The following IMMP1L variants were observed in gnomAD, a reference collection of about 807,000 sequenced individuals.
The protein encoded by IMMP1L is inner mitochondrial membrane peptidase subunit 1, also known as mitochondrial inner membrane protease subunit 1.
IMMP1L carries 24 observed loss-of-function variants against 21.8 expected under a neutral mutation model. The ratio of observed to expected loss-of-function variants is 1.10; its 90% CI spans 0.80 to 1.55. The LOEUF (loss-of-function observed/expected upper bound fraction) is 1.55. Ranked by LOEUF, IMMP1L falls within the 40% of genes most tolerant of loss-of-function variation. The pLI is 0.00. For synonymous variants in IMMP1L, 46 were observed against 62.8 expected, an observed-to-expected ratio of 0.73 and a Z score of 1.26; for missense variants, 195 against 200.7, an observed-to-expected ratio of 0.97 and a Z score of 0.17.
At chr11:31,481,638 A>G (rs1223092) in intron 1 of IMMP1L, among the ~76,000 whole-genome samples, 13,307 of 152,010 alleles carry the variant, frequency 0.088, 1,602 homozygotes, top group African/African-American at 0.27. Context: ...ATCATAGCCC[A>G]TAATCAGAAC....
At position 31,459,969 on chromosome 11, in the gene IMMP1L, C is replaced by T. The variant is rs578074213; in HGVS notation, c.194+657G>A. 7.9e-5 allele frequency among the ~76,000 whole-genome samples: 12 copies of T among 152,104 alleles called. No individual in the cohort carries two copies. In the East Asian group the frequency reaches 1.9e-3, roughly 25 times the overall value. On this transcript the variant is annotated intron_variant, in intron 3 of 5. Transcript: ENST00000532287. ...CTCAGGAGTTTGAGACCAGCCTGGGCAACATGGCGAAACCCAGTCTCTACA... is the reference window on the plus strand; with the variant it reads ...CTCAGGAGTTTGAGACCAGCCTGGGTAACATGGCGAAACCCAGTCTCTACA...
intron 1 of IMMP1L, among the ~76,000 whole-genome samples, chr11:31,476,375 C>A (rs1279397320): frequency 6.6e-6 from 1 of 152,028 alleles, no homozygotes; most frequent in Middle Eastern, 3.4e-3. Flanking sequence ...TTAAACCAAA[C>A]CCGGGAACTC....
intron 1 of IMMP1L, among the ~76,000 whole-genome samples, chr11:31,482,898 G>T (rs1954946535): frequency 1.3e-5 from 2 of 151,854 alleles, no homozygotes; most frequent in African/African-American, 4.8e-5. Flanking sequence ...ATATTAGAAT[G>T]TTCATAATAG....
chr11:31,438,276 G>A (rs1200320350), intron 4 of IMMP1L, among the ~76,000 whole-genome samples: 3 of 152,052 alleles, frequency 2.0e-5, no homozygotes, highest in African/African-American at 7.2e-5. Flanking sequence ...ATATTAAATT[G>A]TGGTTTTAAT....
intron 2 of IMMP1L, 111 bp downstream of exon 2, chr11:31,463,061 G>A: frequency 2.6e-6 from 2 of 759,902 alleles, no homozygotes; most frequent in Non-Finnish European, 4.1e-6. Context: ...AACTTTCACA[G>A]TTTAGTCATT....
At chr11:31,499,938 TTAAATAAATAAATAAA>T (rs34485904) in intron 1 of IMMP1L, among the ~76,000 whole-genome samples, 53 of 140,210 alleles carry the variant, frequency 3.8e-4, no homozygotes, top group Middle Eastern at 3.6e-3. Context: ...GGCTAACTTC[TTAAATAAATAAATAAA>T]TAAATAAATA....
chr11:31,481,026 C>T (rs1241066449), intron 1 of IMMP1L, among the ~76,000 whole-genome samples: 2 of 152,084 alleles, frequency 1.3e-5, no homozygotes, highest in Non-Finnish European at 1.5e-5. Flanking sequence ...AACTGCAGTG[C>T]AGCTAAGCAG....
At chr11:31,462,773 T>C (rs1954195776) in intron 2 of IMMP1L, among the ~76,000 whole-genome samples, 1 of 152,218 alleles carries the variant, frequency 6.6e-6, no homozygotes, top group East Asian at 1.9e-4. Context: ...CTCAGTTCAT[T>C]TCCTCATGTG....
At chr11:31,475,718 A>C (rs1488933299) in intron 1 of IMMP1L, among the ~76,000 whole-genome samples, 1 of 152,214 alleles carries the variant, frequency 6.6e-6, no homozygotes, top group African/African-American at 2.4e-5. Context: ...TAAGTTATCA[A>C]CAGATATTAA....
At chr11:31,482,275 A>C (rs575585365) in intron 1 of IMMP1L, among the ~76,000 whole-genome samples, 75 of 152,248 alleles carry the variant, frequency 4.9e-4, no homozygotes, top group Admixed American at 4.9e-3. Flanking sequence ...TTTGAAGAAA[A>C]ACTAAGAAGA....
intron 1 of IMMP1L, among the ~76,000 whole-genome samples, chr11:31,494,588 T>G (rs1955370811): frequency 6.6e-6 from 1 of 152,196 alleles, no homozygotes; most frequent in Non-Finnish European, 1.5e-5. Flanking sequence ...GTCTTGAATT[T>G]CTCCCCAGAA....
intron 1 of IMMP1L, among the ~76,000 whole-genome samples, chr11:31,491,523 C>A (rs1247726384): frequency 6.6e-6 from 1 of 152,122 alleles, no homozygotes; most frequent in Non-Finnish European, 1.5e-5. Flanking sequence ...GAATATGTAG[C>A]TGAGGAGATT....
intron 1 of IMMP1L, among the ~76,000 whole-genome samples, chr11:31,463,595 TC>T (rs1184799610): frequency 6.6e-6 from 1 of 152,196 alleles, no homozygotes; most frequent in Non-Finnish European, 1.5e-5. Flanking sequence ...CTTGGTTGTT[TC>T]TTCTATTAAG....
intron 1 of IMMP1L, among the ~76,000 whole-genome samples, chr11:31,484,151 A>G (rs1434581008): frequency 6.6e-6 from 1 of 151,942 alleles, no homozygotes; most frequent in East Asian, 1.9e-4. Flanking sequence ...TTTGATTTAC[A>G]AATAAAACTA....
Position 31,463,257 on chromosome 11 carries a change from C to T in IMMP1L, c.20G>A (p.Gly7Glu). The change falls in exon 2 of 6, where the codon GGG (glycine) becomes GAG (glutamate). Residue 7 changes from glycine (G) to glutamate (E), a missense_variant. Coordinates refer to ENST00000532287, the MANE Select transcript of IMMP1L (RefSeq NM_001304274.2). MLRGVLGKTFRLVGYTI... is the reference protein window; with the variant it reads MLRGVLEKTFRLVGYTI... ...ATAGCCAACAAGTCGAAAGGTTTTC[C>T]CCAGAACACCACGAAGCATAGTTCT... is the stretch of plus-strand genomic sequence containing the variant. 6.2e-7 allele frequency: 1 copy of T among 1,612,308 alleles called. No individual in the cohort carries two copies. Among genetic ancestry groups the T allele is most frequent in the Non-Finnish European group, 8.5e-7 (1 of 1,179,228 alleles).
chr11:31,461,269 A>C (rs1954129905), intron 2 of IMMP1L, among the ~76,000 whole-genome samples: 1 of 152,178 alleles, frequency 6.6e-6, no homozygotes, highest in Admixed American at 6.5e-5. Context: ...GTTCTACTGA[A>C]AAATACTAGC....
At chr11:31,455,334 T>C (rs1211568648) in intron 4 of IMMP1L, among the ~76,000 whole-genome samples, 1 of 152,198 alleles carries the variant, frequency 6.6e-6, no homozygotes. Flanking sequence ...TACAGTAAAG[T>C]AGAAAATTAA....
intron 4 of IMMP1L, among the ~76,000 whole-genome samples, chr11:31,434,110 T>G (rs982865803): frequency 1.3e-5 from 2 of 152,204 alleles, no homozygotes; most frequent in Non-Finnish European, 2.9e-5. Flanking sequence ...AACATCCCTG[T>G]TCTGCCTTTG....
intron 1 of IMMP1L, among the ~76,000 whole-genome samples, chr11:31,505,389 T>C (rs964530762): frequency 6.6e-6 from 1 of 152,142 alleles, no homozygotes; most frequent in African/African-American, 2.4e-5. Flanking sequence ...GAAGATGACT[T>C]GATGGAGATG....
Sources: allele counts gnomAD v4.1 joint callset (sites outside exome capture counted in the v4.1 genomes callset), GRCh38; gene constraint gnomAD v4.1.1; transcripts MANE v1.5; gene names NCBI Gene and HGNC (gene_info 2026-07-23, HGNC 2026-07-21).